The following NIN variants were observed in gnomAD, a reference collection of about 807,000 sequenced individuals.
NIN encodes the protein ninein.
In NIN, 137 loss-of-function variants were observed where a neutral mutation model predicts 257.6. The observed-to-expected ratio is 0.53, with a 90% CI of 0.46 to 0.61. NIN has a LOEUF of 0.61. Ranked by LOEUF, NIN falls within the 20% of genes least tolerant of loss-of-function variation. NIN has a pLI of 0.00. For synonymous variants in NIN, 918 were observed against 919.8 expected, an observed-to-expected ratio of 1.00 and a Z score of 0.04; for missense variants, 2,439 against 2,501.2, an observed-to-expected ratio of 0.98 and a Z score of 0.53.
At chr14:50,785,681 A>C (rs2043316332) in intron 5 of NIN, among the ~76,000 whole-genome samples, 1 of 152,234 alleles carries the variant, frequency 6.6e-6, no homozygotes, top group Non-Finnish European at 1.5e-5. Context: ...AGAAACTTTA[A>C]GACTTTTAAA....
At chr14:50,791,013 T>C (rs1306603947) in intron 5 of NIN, among the ~76,000 whole-genome samples, 1 of 152,190 alleles carries the variant, frequency 6.6e-6, no homozygotes, top group Non-Finnish European at 1.5e-5. Flanking sequence ...ACTTTCTTAG[T>C]ACCAAATAAT....
Position 50,723,129 on chromosome 14 carries a change from G to T in NIN, c.*334C>A. On this transcript the variant is annotated 3_prime_UTR_variant, in exon 31 of 31. Coordinates refer to ENST00000530997, the MANE Select transcript of NIN (RefSeq NM_020921.4). ...TTCAAATATCTAGATTTTACACATA[G>T]ATTTGTAATAATTAAAAAAAAAACC... The T allele has an allele frequency of 4.1e-6, 1 of 242,210 alleles. No individual in the cohort carries two copies. The highest frequency in any genetic ancestry group is 7.9e-6 in the Non-Finnish European group (1 of 125,816). 15.0% of individuals were successfully genotyped at this position (242,210 alleles called of 1,614,324 possible). A position where few individuals can be genotyped will look rare whatever the true frequency, so the allele number is the denominator to read the frequency against.
chr14:50,793,612 T>C (rs758621200), intron 4 of NIN, among the ~76,000 whole-genome samples: 73 of 151,838 alleles, frequency 4.8e-4, no homozygotes, highest in Non-Finnish European at 9.3e-4. Context: ...GAGGTGAGAG[T>C]CATCTCTTGA....
chr14:50,801,868 G>T (rs146500891), intron 4 of NIN, among the ~76,000 whole-genome samples: 1 of 152,150 alleles, frequency 6.6e-6, no homozygotes, highest in Non-Finnish European at 1.5e-5. Flanking sequence ...TTTTCCCCAT[G>T]AATAAACAAA....
At chr14:50,726,244 T>G in intron 29 of NIN, 178 bp from the exon 30 acceptor site, 1 of 553,074 alleles carries the variant, frequency 1.8e-6, no homozygotes, top group Non-Finnish European at 3.2e-6. Context: ...GTCAGAAAAG[T>G]AACCCTATCA....
chr14:50,818,555 T>C (rs909874139), intron 3 of NIN, among the ~76,000 whole-genome samples: 7 of 152,250 alleles, frequency 4.6e-5, no homozygotes, highest in East Asian at 3.9e-4. Flanking sequence ...CCCGACTAGA[T>C]TGTAAGTTTT....
chr14:50,812,215 A>T (rs1056393847), intron 3 of NIN, among the ~76,000 whole-genome samples: 7 of 152,182 alleles, frequency 4.6e-5, no homozygotes, highest in Admixed American at 1.3e-4. Context: ...ACATTTTGTC[A>T]TTTGAATCTC....
At chr14:50,741,769 T>A in intron 24 of NIN, 41 bp from the exon 25 acceptor site, 2 of 1,603,574 alleles carry the variant, frequency 1.2e-6, no homozygotes, top group Non-Finnish European at 1.7e-6. Context: ...CACAAACTCT[T>A]GTGGTCTCAC....
chr14:50,732,610 T>C (rs145110897), intron 28 of NIN, among the ~76,000 whole-genome samples: 11 of 152,378 alleles, frequency 7.2e-5, no homozygotes, highest in African/African-American at 2.6e-4. Flanking sequence ...GTTAGGTATA[T>C]ATTTATCACA....
chr14:50,725,694 G>A (rs2040381255), intron 30 of NIN: 1 of 565,666 alleles, frequency 1.8e-6, no homozygotes. Flanking sequence ...TTAGGTCCAT[G>A]TAAATCATGT....
intron 21 of NIN, 135 bp downstream of exon 21, chr14:50,752,383 T>A (rs2041824711): frequency 3.1e-6 from 2 of 652,032 alleles, no homozygotes; most frequent in Admixed American, 5.4e-5. Flanking sequence ...TCCACTTACC[T>A]ACTTATCTAT....
Position 50,723,228 on chromosome 14 carries a change from C to T in NIN, c.*235G>A. The T allele has an allele frequency of 1.0e-5, 4 of 385,012 alleles. No homozygotes were observed. The highest frequency in any genetic ancestry group is 1.8e-5 in the Non-Finnish European group (4 of 217,520). The allele number at this position is 385,012 out of a possible 1,614,324, so 23.8% of individuals were successfully genotyped here. ...TTTCATATGTCCACATTCTTGGTGGCTATTAAAATTTTAAAATAAATTCAA... is the reference window on the plus strand; with the variant it reads ...TTTCATATGTCCACATTCTTGGTGGTTATTAAAATTTTAAAATAAATTCAA... On this transcript the variant is annotated 3_prime_UTR_variant, in exon 31 of 31. Transcript: ENST00000530997.
Position 50,806,773 on chromosome 14 carries a change from TG to T in NIN, c.228del (p.Arg77GlufsTer16). The stretch of plus-strand genomic sequence containing the variant: ...AAGTGTTCTTCATTTGACAGAGTTC[TG>T]GACAAGATGAGTATTAATGCTTCTT... Reference protein sequence around the residue: ...QFKEALILILSRTLSNEEHFQ... With the variant: ...QFKEALILILXRTLSNEEHFQ... On this transcript the variant is annotated frameshift_variant, in exon 4 of 31. Coordinates refer to ENST00000530997, the MANE Select transcript of NIN (RefSeq NM_020921.4). LOFTEE classifies it high-confidence loss of function. 6.3e-7 allele frequency: 1 copy of T among 1,589,188 alleles called. No homozygotes were observed.
intron 4 of NIN, among the ~76,000 whole-genome samples, chr14:50,800,807 A>C (rs1294989775): frequency 1.4e-5 from 2 of 142,240 alleles, no homozygotes; most frequent in African/African-American, 2.6e-5. Flanking sequence ...TTTGAGACGG[A>C]GTTTCGCTCT....
chr14:50,790,731 A>T (rs192763854), intron 5 of NIN, among the ~76,000 whole-genome samples: 1 of 152,358 alleles, frequency 6.6e-6, no homozygotes, highest in African/African-American at 2.4e-5. Flanking sequence ...TTGTAAGTAC[A>T]TCAAGGGTGA....
At chr14:50,767,639 A>C (rs1373454684) in intron 12 of NIN, among the ~76,000 whole-genome samples, 2 of 152,154 alleles carry the variant, frequency 1.3e-5, no homozygotes, top group Non-Finnish European at 2.9e-5. Flanking sequence ...AACACGGTGA[A>C]ACCCCGTCTC....
chr14:50,821,969 G>A lies in NIN; in HGVS notation c.88C>T (p.Gln30Ter). The A allele has an allele frequency of 1.9e-6, 3 of 1,614,116 alleles. No individual in the cohort carries two copies. Among genetic ancestry groups the A allele is most frequent in the Non-Finnish European group, 2.5e-6 (3 of 1,180,000 alleles). ...FDTTGTGSLGQEELTDLCHML... is the reference protein window; with the variant it reads ...FDTTGTGSLG ...TGGCAAAGGTCGGTGAGTTCCTCCT[G>A]CCCCAGGGACCCTGTGCCCGTCGTG... Residue 30 changes from glutamine to a stop codon, truncating the protein, a stop_gained, in exon 3 of 31, where the codon CAG becomes TAG. Transcript: ENST00000530997. LOFTEE classifies it high-confidence loss of function.
intron 4 of NIN, among the ~76,000 whole-genome samples, chr14:50,797,594 C>G (rs1358123527): frequency 1.3e-5 from 2 of 152,318 alleles, no homozygotes; most frequent in Middle Eastern, 3.4e-3. Context: ...CCACCCTGCC[C>G]CATTCTACAT....
At chr14:50,749,633 G>T (rs1223989238) in intron 21 of NIN, among the ~76,000 whole-genome samples, 1 of 152,106 alleles carries the variant, frequency 6.6e-6, no homozygotes, top group Non-Finnish European at 1.5e-5. Flanking sequence ...AATTAGAGCT[G>T]TTGTTTTCCC....
Sources: gnomAD v4.1 joint callset for allele counts (sites outside exome capture counted in the v4.1 genomes callset) on GRCh38, gnomAD v4.1.1 for gene constraint, MANE v1.5 for transcripts, NCBI Gene and HGNC (gene_info 2026-07-23, HGNC 2026-07-21) for gene names.